Variants in DPH6 observed in about 807,000 individuals in gnomAD.
The protein encoded by DPH6 is diphthamine biosynthesis 6.
Under a neutral mutation model 38.2 loss-of-function variants are expected in DPH6, and 33 were observed. The observed-to-expected ratio is 0.86, with a 90% CI of 0.65 to 1.15. The LOEUF (loss-of-function observed/expected upper bound fraction) is 1.15. Among genes scored for constraint, DPH6 ranks in the 50% most tolerant of loss-of-function variants. The pLI, the probability that DPH6 is intolerant of heterozygous loss-of-function variation, is 0.00. For synonymous variants in DPH6, 108 were observed against 103.0 expected (o/e 1.05, Z -0.30); for missense variants, 325 against 320.0 (o/e 1.02, Z -0.12).
At chr15:35,400,597 C>A (rs1174619649) in intron 6 of DPH6, 3 of 430,730 alleles carry the variant, frequency 7.0e-6, no homozygotes, top group African/African-American at 4.0e-5. Flanking sequence ...GAATATAAAC[C>A]TTGACTAACA....
At position 35,288,172 on chromosome 15, in the gene DPH6, T is replaced by C. The variant is rs140349975; in HGVS notation, n.201-67590A>G. Among the ~76,000 whole-genome samples, 41 of 152,340 alleles carry C rather than the reference T, an allele frequency of 2.7e-4. 1 individual carries two copies. The East Asian group carries it at 7.7e-3, about 29-fold the overall frequency. On this transcript the variant is annotated intron_variant and non_coding_transcript_variant, in intron 3 of 3. Coordinates refer to the DPH6 transcript ENST00000560386. ...TCCTATCTGTAGTTTGGGAACATTA[T>C]CAAGGTCAGATGCAAATTCTCAGAA... is the stretch of plus-strand genomic sequence containing the variant.
chr15:35,370,301 C>T (rs1209343515), downstream of DPH6, among the ~76,000 whole-genome samples: 1 of 150,234 alleles, frequency 6.7e-6, no homozygotes, highest in East Asian at 1.9e-4. Context: ...ATAGATATAA[C>T]ATTAAAAGCA....
chr15:35,243,151 C>A (rs1230295901), intron 3 of DPH6, among the ~76,000 whole-genome samples: 1 of 142,082 alleles, frequency 7.0e-6, no homozygotes, highest in Non-Finnish European at 1.5e-5. Context: ...AAAACCGTAT[C>A]CAGGCCATCA....
chr15:35,148,364 C>T, the DPH6 span, among the ~76,000 whole-genome samples: 3 of 152,116 alleles, frequency 2.0e-5, no homozygotes. Flanking sequence ...AGTTTCTTAA[C>T]ATTAATGTCT....
intron 4 of DPH6, 26 bp downstream of exon 4, chr15:35,454,721 A>T: frequency 6.4e-7 from 1 of 1,572,698 alleles, no homozygotes; most frequent in Non-Finnish European, 8.7e-7. Flanking sequence ...TACACTTTTA[A>T]AACTAACAAA....
At chr15:35,382,026 A>G (rs2052873969) in intron 6 of DPH6, 110 bp from the exon 7 acceptor site, 1 of 765,412 alleles carries the variant, frequency 1.3e-6, no homozygotes, top group African/African-American at 1.8e-5. Flanking sequence ...ATTCCAAAAT[A>G]GTTTGCAAGG....
intron 3 of DPH6, among the ~76,000 whole-genome samples, chr15:35,295,824 T>C (rs528670138): frequency 1.1e-4 from 17 of 152,268 alleles, no homozygotes; most frequent in Admixed American, 7.8e-4. Context: ...TGAAGTCAGG[T>C]AAATATTGTT....
At chr15:35,425,047 A>C (rs1364815852) in intron 5 of DPH6, among the ~76,000 whole-genome samples, 1 of 151,652 alleles carries the variant, frequency 6.6e-6, no homozygotes, top group African/African-American at 2.4e-5. Flanking sequence ...ATTTCTGCAA[A>C]TGTACTCACA....
At chr15:35,334,439 G>A (rs1317679453) in intron 3 of DPH6, among the ~76,000 whole-genome samples, 3 of 152,026 alleles carry the variant, frequency 2.0e-5, no homozygotes, top group Non-Finnish European at 2.9e-5. Flanking sequence ...TGCAGGATGT[G>A]CAGGTTTGTA....
chr15:35,488,234 A>G (rs1220167042), intron 3 of DPH6, among the ~76,000 whole-genome samples: 4 of 152,012 alleles, frequency 2.6e-5, no homozygotes, highest in Non-Finnish European at 5.9e-5. Context: ...AGCTCTCCAA[A>G]TTGTTCCAAC....
intron 3 of DPH6, among the ~76,000 whole-genome samples, chr15:35,260,141 C>G (rs1365512517): frequency 6.6e-6 from 1 of 152,122 alleles, no homozygotes; most frequent in Non-Finnish European, 1.5e-5. Flanking sequence ...CAGAGTCTTG[C>G]TCTGTCGCCC....
At chr15:35,383,168 G>A (rs2052895121) in intron 6 of DPH6, among the ~76,000 whole-genome samples, 1 of 152,128 alleles carries the variant, frequency 6.6e-6, no homozygotes, top group South Asian at 2.1e-4. Flanking sequence ...TGTAATTTCT[G>A]TAATCCACCA....
At chr15:35,465,159 T>C (rs972160949) in intron 3 of DPH6, among the ~76,000 whole-genome samples, 1 of 152,218 alleles carries the variant, frequency 6.6e-6, no homozygotes, top group Non-Finnish European at 1.5e-5. Flanking sequence ...TAAGAAGATA[T>C]GCAGCTTGCA....
chr15:35,427,451 T>C (rs2053583546), intron 5 of DPH6, among the ~76,000 whole-genome samples: 1 of 151,106 alleles, frequency 6.6e-6, no homozygotes, highest in Non-Finnish European at 1.5e-5. Context: ...TTTGCTAATA[T>C]GAAGCTTTTC....
chr15:35,512,483 C>T (rs1317207389), intron 3 of DPH6, among the ~76,000 whole-genome samples: 1 of 152,102 alleles, frequency 6.6e-6, no homozygotes, highest in Admixed American at 6.6e-5. Flanking sequence ...ATCTAGCACA[C>T]GAGGCCACTG....
chr15:35,473,646 G>A (rs575253721), intron 3 of DPH6, among the ~76,000 whole-genome samples: 3 of 151,892 alleles, frequency 2.0e-5, no homozygotes, highest in Non-Finnish European at 4.4e-5. Flanking sequence ...AATTGCAAAC[G>A]CTACTCTCTT....
the DPH6 span, among the ~76,000 whole-genome samples, chr15:35,186,810 G>GCCCCTTTTCCC: frequency 6.6e-6 from 1 of 152,186 alleles, no homozygotes; most frequent in Non-Finnish European, 1.5e-5. Context: ...AGGATGTGGA[G>GCCCCTTTTCCC]AAACTGGGGC....
chr15:35,432,881 G>A lies in DPH6; in HGVS notation c.505+17804C>T, dbSNP rs1028365741. Among the ~76,000 whole-genome samples, 9 of 152,318 alleles carry A rather than the reference G, an allele frequency of 5.9e-5. No individual in the cohort carries two copies. In the East Asian group the frequency reaches 1.7e-3, roughly 29 times the overall value. ...TGAGGGTGGAGGTTAGGAGGACGGTGAGGGTCAAAAAACTGTCAGGTACTG... is the reference window on the plus strand; with the variant it reads ...TGAGGGTGGAGGTTAGGAGGACGGTAAGGGTCAAAAAACTGTCAGGTACTG... On this transcript the variant is annotated intron_variant, in intron 5 of 8. Coordinates refer to ENST00000256538, the MANE Select transcript of DPH6 (RefSeq NM_080650.4).
intron 3 of DPH6, among the ~76,000 whole-genome samples, chr15:35,479,492 A>G (rs146338686): frequency 3.0e-4 from 46 of 152,262 alleles, no homozygotes; most frequent in African/African-American, 1.1e-3. Context: ...TTTGATGATA[A>G]GAATCCATCA....
Sources: allele counts gnomAD v4.1 joint callset (sites outside exome capture counted in the v4.1 genomes callset), GRCh38; gene constraint gnomAD v4.1.1; transcripts MANE v1.5; gene names NCBI Gene and HGNC (gene_info 2026-07-23, HGNC 2026-07-21).